CNTNAP3: variants seen among roughly 807,000 people sequenced by gnomAD.
CNTNAP3 encodes the protein contactin-associated protein-like 3.
CNTNAP3 carries 36 observed loss-of-function variants against 92.1 expected under a neutral mutation model. The observed-to-expected ratio is 0.39, with a 90% CI of 0.30 to 0.52. The LOEUF (loss-of-function observed/expected upper bound fraction) is 0.52. CNTNAP3 is among the 20% of genes least tolerant of loss of function. CNTNAP3 has a pLI of 0.76. For synonymous variants in CNTNAP3, 232 were observed against 422.3 expected, an observed-to-expected ratio of 0.55 and a Z score of 5.53; for missense variants, 534 against 1,069.6, an observed-to-expected ratio of 0.50 and a Z score of 6.98.
intron 11 of CNTNAP3, among the ~76,000 whole-genome samples, chr9:39,141,562 A>G (rs1253896321): frequency 1.3e-5 from 2 of 152,172 alleles, no homozygotes; most frequent in African/African-American, 4.8e-5. Context: ...GCATAATTGA[A>G]TATTTTCATT....
At chr9:39,179,316 C>CAT (rs1178977154) in intron 4 of CNTNAP3, among the ~76,000 whole-genome samples, 1 of 132,488 alleles carries the variant, frequency 7.5e-6, no homozygotes, top group African/African-American at 3.1e-5. Flanking sequence ...CACACACACA[C>CAT]ACACACACAC....
At chr9:39,147,330 C>G (rs1426304353) in intron 10 of CNTNAP3, among the ~76,000 whole-genome samples, 2 of 151,860 alleles carry the variant, frequency 1.3e-5, no homozygotes, top group African/African-American at 4.8e-5. Flanking sequence ...TTTCAGGATA[C>G]TTAAAAGTGA....
At chr9:39,142,166 T>C (rs1373548737) in intron 11 of CNTNAP3, among the ~76,000 whole-genome samples, 1 of 152,188 alleles carries the variant, frequency 6.6e-6, no homozygotes, top group Admixed American at 6.5e-5. Context: ...CATTGATTAA[T>C]TGCAACATTA....
At chr9:39,121,347 T>C (rs1378374191) in intron 13 of CNTNAP3, among the ~76,000 whole-genome samples, 1 of 152,032 alleles carries the variant, frequency 6.6e-6, no homozygotes, top group Non-Finnish European at 1.5e-5. Context: ...AAGACATAAA[T>C]GTATATGCAA....
rs755986300 is a variant in CNTNAP3 at position 39,109,119 on chromosome 9, A to C, written c.2365+41T>G. On this transcript the variant is annotated intron_variant, in intron 15 of 23. Transcript: ENST00000297668. Reference sequence around the variant, plus strand: ...TTGTCTACTCTTTTATAACCAAAAAAAGTTATTATGAAAATAAAGCTTTTT... The same window carrying C: ...TTGTCTACTCTTTTATAACCAAAAACAGTTATTATGAAAATAAAGCTTTTT... 3.8e-6 allele frequency: 6 copies of C among 1,592,548 alleles called. No individual in the cohort carries two copies. In the African/African-American group the frequency reaches 4.1e-5, roughly 11 times the overall value.
intron 10 of CNTNAP3, among the ~76,000 whole-genome samples, chr9:39,147,406 C>T (rs1821729246): frequency 1.3e-5 from 2 of 152,232 alleles, no homozygotes; most frequent in African/African-American, 2.4e-5. Flanking sequence ...TTAATTTTAA[C>T]TCTGTAGAAT....
chr9:39,090,182 G>A (rs1826159684), intron 18 of CNTNAP3, among the ~76,000 whole-genome samples: 3 of 152,082 alleles, frequency 2.0e-5, no homozygotes, highest in African/African-American at 7.2e-5. Flanking sequence ...CTCGTGATCT[G>A]CCCACCTCGG....
At position 39,086,736 on chromosome 9, in the gene CNTNAP3, C is replaced by G; in HGVS notation, c.3334G>C (p.Glu1112Gln). 1 of 1,610,930 alleles carries G rather than the reference C, an allele frequency of 6.2e-7. No homozygotes were observed. Among genetic ancestry groups the G allele is most frequent in the Non-Finnish European group, 8.5e-7 (1 of 1,179,618 alleles). Residue 1112 changes from glutamate to glutamine, a missense_variant, in exon 20 of 24, where the codon GAA becomes CAA. By Grantham distance (29) the Glu-to-Gln change is conservative. Transcript: ENST00000297668. ...QLHQVKINREEAVVMVEVNQS... is the reference protein window; with the variant it reads ...QLHQVKINREQAVVMVEVNQS... ...ATTACCTCTACCATGACCACAGCTT[C>G]TTCTCTGTTAATCTTCACTTGGTGA... is the stretch of plus-strand genomic sequence containing the variant.
intron 12 of CNTNAP3, 117 bp from the exon 13 acceptor site, chr9:39,133,252 T>C: frequency 7.7e-7 from 1 of 1,302,670 alleles, no homozygotes; most frequent in East Asian, 2.5e-5. Flanking sequence ...CATTACTGCA[T>C]GTTTGCCGCG....
chr9:39,099,925 G>A lies in CNTNAP3; in HGVS notation c.2981C>T (p.Pro994Leu), dbSNP rs1468285999. 1.9e-5 allele frequency: 30 copies of A among 1,611,142 alleles called. No homozygotes were observed. The highest frequency in any genetic ancestry group is 2.3e-5 in the Non-Finnish European group (27 of 1,179,546). Residue 994 changes from proline (P) to leucine (L), a missense_variant, in exon 18 of 24, where the codon CCG (proline) becomes CTG (leucine). Physicochemically the swap from Pro to Leu is moderately conservative, Grantham distance 98. Coordinates refer to ENST00000297668, the MANE Select transcript of CNTNAP3 (RefSeq NM_033655.5). ...GTCACACTTACCATTGGAGCAGAAC[G>A]GCCCATCATAGGCTGAGAAGGCACA... The part of the protein sequence containing the change: ...CDCAFSAYDG[P>L]FCSNEISAYF...
rs1825538402 is a variant in CNTNAP3, at chr9:39,067,626, G to A, written c.*6264C>T. On this transcript the variant is annotated 3_prime_UTR_variant, in exon 24 of 24. Transcript: ENST00000297668. ...GTTAGCAGGATGGTCTCCATCTCCC[G>A]ACCTCGTGATCTGCCTGCCTCGACC... 6.6e-6 allele frequency among the ~76,000 whole-genome samples: 1 copy of A among 152,294 alleles called. No individual in the cohort carries two copies. Among genetic ancestry groups the A allele is most frequent in the African/African-American group, 2.4e-5 (1 of 41,474 alleles).
rs1226227264 is a variant in CNTNAP3, at chr9:39,178,703, ATAAAT to A, written c.539-348_539-344del. 3.2e-5 allele frequency among the ~76,000 whole-genome samples: 4 copies of A among 126,280 alleles called. No individual in the cohort carries two copies. The East Asian group carries it at 9.4e-4, about 30-fold the overall frequency. 82.8% of individuals were successfully genotyped at this position (126,280 alleles called of 152,430 possible). On this transcript the variant is annotated intron_variant, in intron 4 of 23. Coordinates refer to ENST00000297668, the MANE Select transcript of CNTNAP3 (RefSeq NM_033655.5). ...CAGGAAAGAAGCTGTATTTCACTAC[ATAAAT>A]TATTTATTTTAAGGTCATTCTTATA...
chr9:39,094,270 G>GATA (rs1179599749), intron 18 of CNTNAP3, among the ~76,000 whole-genome samples: 1 of 151,398 alleles, frequency 6.6e-6, no homozygotes, highest in Non-Finnish European at 1.5e-5. Context: ...ACCTCCATCA[G>GATA]ATACATAATT....
intron 9 of CNTNAP3, chr9:39,159,366 A>G (rs1822026629): frequency 7.5e-6 from 1 of 133,570 alleles, no homozygotes; most frequent in African/African-American, 3.0e-5. Context: ...TTTTAAAAAT[A>G]TTATATATAT....
chr9:39,142,847 A>C (rs1821610100), intron 11 of CNTNAP3, among the ~76,000 whole-genome samples: 1 of 152,070 alleles, frequency 6.6e-6, no homozygotes, highest in African/African-American at 2.4e-5. Context: ...CCATGTATGA[A>C]CTGTGGTTTT....
At chr9:39,114,035 T>TAC (rs767827479) in intron 14 of CNTNAP3, among the ~76,000 whole-genome samples, 2,030 of 141,488 alleles carry the variant, frequency 0.014, 34 homozygotes, top group African/African-American at 0.036. Context: ...CACACATATA[T>TAC]ACACACACAC....
At chr9:39,094,697 T>G (rs1310731497) in intron 18 of CNTNAP3, among the ~76,000 whole-genome samples, 1 of 151,682 alleles carries the variant, frequency 6.6e-6, no homozygotes, top group Non-Finnish European at 1.5e-5. Context: ...TCTATTCCAT[T>G]GATTTATAGG....
rs540247229 is a variant in CNTNAP3, at chr9:39,112,578, C to A, written c.2238-3291G>T. 2.6e-4 allele frequency among the ~76,000 whole-genome samples: 39 copies of A among 152,190 alleles called. No individual in the cohort carries two copies. The South Asian group carries it at 7.0e-3, about 28-fold the overall frequency. On this transcript the variant is annotated intron_variant, in intron 14 of 23. Coordinates refer to ENST00000297668, the MANE Select transcript of CNTNAP3 (RefSeq NM_033655.5). ...ACGGGGTTTCACCATGTTGGTCAGG[C>A]TGGTCTCGAACTCCTGACTTCATGA...
At chr9:39,086,029 T>C (rs2954466) in intron 20 of CNTNAP3, 1 of 638,838 alleles carries the variant, frequency 1.6e-6, no homozygotes, top group Non-Finnish European at 2.8e-6. Flanking sequence ...CAGCTACCAC[T>C]CTATCCACGA....
Sources: gnomAD v4.1 joint callset for allele counts (sites outside exome capture counted in the v4.1 genomes callset) on GRCh38, gnomAD v4.1.1 for gene constraint, MANE v1.5 for transcripts, NCBI Gene and HGNC (gene_info 2026-07-23, HGNC 2026-07-21) for gene names.